ZNF445: variants seen among roughly 807,000 people sequenced by gnomAD.
ZNF445 encodes the protein zinc finger protein 168.
Under a neutral mutation model 93.9 loss-of-function variants are expected in ZNF445, and 19 were observed. That is an observed-to-expected ratio of 0.20 (90% CI 0.14 to 0.30). The LOEUF (loss-of-function observed/expected upper bound fraction) is 0.30, where lower values mean the gene tolerates loss of function less well. Ranked by LOEUF, ZNF445 falls within the 10% of genes least tolerant of loss-of-function variation. The probability of loss-of-function intolerance (pLI) is 1.00; values close to 1 mark genes in which losing one functional copy is unlikely to be tolerated. For synonymous variants in ZNF445, 449 were observed against 446.3 expected (o/e 1.01, Z -0.08); for missense variants, 1,058 against 1,259.4 (o/e 0.84, Z 2.42).
chr3:44,462,043 T>C (rs1172857612), intron 1 of ZNF445, among the ~76,000 whole-genome samples: 1 of 132,006 alleles, frequency 7.6e-6, no homozygotes, highest in East Asian at 3.9e-4. Context: ...AATGTCACTA[T>C]TTGTCTCTCT....
At chr3:44,467,654 C>G (rs1328811038) in intron 1 of ZNF445, among the ~76,000 whole-genome samples, 1 of 152,168 alleles carries the variant, frequency 6.6e-6, no homozygotes, top group African/African-American at 2.4e-5. Flanking sequence ...GAACAGAGTT[C>G]TATCAAAACC....
Position 44,432,249 on chromosome 3 carries a change from C to T in ZNF445, c.*14326G>A, listed in dbSNP as rs1279152531. ...TAAATGAAGTTTTATTGGAACACATCTACACTCATTTGTGTGTGTGTGTCT... is the reference window on the plus strand; with the variant it reads ...TAAATGAAGTTTTATTGGAACACATTTACACTCATTTGTGTGTGTGTGTCT... On this transcript the variant is annotated 3_prime_UTR_variant, in exon 8 of 8. Transcript: ENST00000396077. 2 of 148,530 alleles carry T rather than the reference C, an allele frequency of 1.3e-5. No individual in the cohort carries two copies. The highest frequency in any genetic ancestry group is 3.0e-5 in the Non-Finnish European group (2 of 67,710). The allele number at this position is 148,530 out of a possible 1,614,324, so 9.2% of individuals were successfully genotyped here.
rs182696561 is a variant in ZNF445 at position 44,446,725 on chromosome 3, T to C, written c.2946A>G (p.Ile982Met). 1 of 1,614,242 alleles carries C rather than the reference T, an allele frequency of 6.2e-7. No homozygotes were observed. Among genetic ancestry groups the C allele is most frequent in the Admixed American group, 1.7e-5 (1 of 60,034 alleles). Residue 982 changes from isoleucine to methionine, a missense_variant, in exon 8 of 8, where the codon ATA becomes ATG. By Grantham distance (10) the Ile-to-Met change is conservative. Around this residue, in one of 3 missense-constraint regions of ZNF445, gnomAD observed 387 missense variants for 475.7 expected, o/e 0.81. Transcript: ENST00000396077. The surrounding 1 kb of genome is among the most constrained non-coding windows in gnomAD (Gnocchi z 4.2). ...AACTCTTGTTAAAAGTTTTCCCACA[T>C]ATGCTGCATTTGTGGCACTTTTTCC... ...SIGKKCHKCSICGKTFNKSSQ... is the reference protein window; with the variant it reads ...SIGKKCHKCSMCGKTFNKSSQ...
At position 44,432,917 on chromosome 3, in the gene ZNF445, C is replaced by CT. The variant is rs1412644315; in HGVS notation, c.*13657dup. 7 of 152,158 alleles carry CT rather than the reference C, an allele frequency of 4.6e-5. No individual in the cohort carries two copies. Among genetic ancestry groups the CT allele is most frequent in the Non-Finnish European group, 2.9e-5 (2 of 68,060 alleles). The allele number at this position is 152,158 out of a possible 1,614,324, so 9.4% of individuals were successfully genotyped here. A position where few individuals can be genotyped will look rare whatever the true frequency, so the allele number is the denominator to read the frequency against. On this transcript the variant is annotated 3_prime_UTR_variant, in exon 8 of 8. Transcript: ENST00000396077. ...CCATGGATTCCTTTGTGTCTGCTTC[C>CT]TTTTCATTAAAATTCTGCTCATGGA...
intron 1 of ZNF445, among the ~76,000 whole-genome samples, chr3:44,473,440 G>C (rs548519756): frequency 2.2e-5 from 3 of 133,780 alleles, no homozygotes; most frequent in African/African-American, 8.8e-5. Flanking sequence ...GGCAACGAGA[G>C]TGAAACTCCA....
At chr3:44,458,463 T>C (rs1341243118) in intron 1 of ZNF445, 99 bp from the exon 2 acceptor site, 4 of 152,240 alleles carry the variant, frequency 2.6e-5, no homozygotes, top group Admixed American at 6.5e-5. Flanking sequence ...TATATACACA[T>C]TGGTTTTTAT....
chr3:44,473,509 ATATT>A (rs887116527), intron 1 of ZNF445, among the ~76,000 whole-genome samples: 12 of 146,524 alleles, frequency 8.2e-5, no homozygotes, highest in Middle Eastern at 3.5e-3. Flanking sequence ...CTTTCAGTAT[ATATT>A]TAAAGCCTTA....
At chr3:44,449,212 A>C (rs888031290) in intron 7 of ZNF445, among the ~76,000 whole-genome samples, 2 of 152,186 alleles carry the variant, frequency 1.3e-5, no homozygotes, top group Non-Finnish European at 2.9e-5. Flanking sequence ...GCAGGCCAGG[A>C]GTGAGGAGGA....
Position 44,433,609 on chromosome 3 carries a change from G to T in ZNF445, c.*12966C>A, listed in dbSNP as rs1032295282. ...GAGAAATGCCCAGGGAGGGAGACTG[G>T]AGAAGGTTCAGGGACCAAGTTCTGG... On this transcript the variant is annotated 3_prime_UTR_variant, in exon 8 of 8. Transcript: ENST00000396077. The T allele has an allele frequency of 1.3e-5, 2 of 152,502 alleles. No individual in the cohort carries two copies. Among genetic ancestry groups the T allele is most frequent in the Non-Finnish European group, 2.9e-5 (2 of 68,278 alleles). The allele number at this position is 152,502 out of a possible 1,614,324, so 9.4% of individuals were successfully genotyped here.
At chr3:44,471,171 T>G (rs972365132) in intron 1 of ZNF445, among the ~76,000 whole-genome samples, 4 of 152,198 alleles carry the variant, frequency 2.6e-5, no homozygotes, top group African/African-American at 4.8e-5. Context: ...GCATCCAGAA[T>G]TTCTCTAATA....
chr3:44,451,204 G>T, intron 4 of ZNF445, 110 bp downstream of exon 4: 1 of 1,380,000 alleles, frequency 7.2e-7, no homozygotes, highest in Non-Finnish European at 1.0e-6. Context: ...AGAGCTAAGG[G>T]CCAGGACAGA....
chr3:44,453,273 G>A lies in ZNF445; in HGVS notation c.430-1791C>T, dbSNP rs1018534981. 6.6e-5 allele frequency among the ~76,000 whole-genome samples: 10 copies of A among 151,922 alleles called. No homozygotes were observed. The East Asian group carries it at 1.9e-3, about 29-fold the overall frequency. On this transcript the variant is annotated intron_variant, in intron 3 of 7. Transcript: ENST00000396077. ...CATATATATATGTATATGTATGAAA[G>A]TGTATGTCTATATATGTTTTTTTTT...
chr3:44,459,224 T>A (rs1044875365), intron 1 of ZNF445, among the ~76,000 whole-genome samples: 4 of 152,220 alleles, frequency 2.6e-5, no homozygotes, highest in Admixed American at 6.5e-5. Context: ...GTTTACAACA[T>A]CCTTTATAAT....
rs778417089 is a variant in ZNF445 at position 44,447,031 on chromosome 3, G to C, written c.2640C>G (p.Asn880Lys). 6.2e-7 allele frequency: 1 copy of C among 1,614,208 alleles called. No individual in the cohort carries two copies. Among genetic ancestry groups the C allele is most frequent in the Non-Finnish European group, 8.5e-7 (1 of 1,180,034 alleles). Residue 880 changes from asparagine (N) to lysine (K), a missense_variant, in exon 8 of 8, where the codon AAC (asparagine) becomes AAG (lysine). Coordinates refer to ENST00000396077, the MANE Select transcript of ZNF445 (RefSeq NM_181489.6). The surrounding 1 kb of genome is among the most constrained non-coding windows in gnomAD (Gnocchi z 4.7). ...CNLCGKSYDRNYRLVNHQRIH... is the reference protein window; with the variant it reads ...CNLCGKSYDRKYRLVNHQRIH... Reference sequence around the variant, plus strand: ...TCCTCTGATGGTTAACAAGGCGATAGTTTCTATCATAAGATTTCCCACATA... The same window carrying C: ...TCCTCTGATGGTTAACAAGGCGATACTTTCTATCATAAGATTTCCCACATA...
At chr3:44,450,825 C>T (rs543628226) in intron 5 of ZNF445, 43 bp downstream of exon 5, 69 of 1,461,666 alleles carry the variant, frequency 4.7e-5, no homozygotes, top group African/African-American at 1.0e-4. Context: ...CATTAGGCAG[C>T]GACGTGGGGA....
chr3:44,442,819 T>C lies in ZNF445; in HGVS notation c.*3756A>G, dbSNP rs1198768463. ...CGGGTTCCTAACCAGCAGGTGTGTG[T>C]TTGTGGGTGGCTTCCAGTCAACATT... On this transcript the variant is annotated 3_prime_UTR_variant, in exon 8 of 8. Coordinates refer to ENST00000396077, the MANE Select transcript of ZNF445 (RefSeq NM_181489.6). 1 of 152,078 alleles carries C rather than the reference T, an allele frequency of 6.6e-6. No homozygotes were observed. The highest frequency in any genetic ancestry group is 2.4e-5 in the African/African-American group (1 of 41,396). The allele number at this position is 152,078 out of a possible 1,614,324, so 9.4% of individuals were successfully genotyped here.
chr3:44,456,233 T>C (rs1698026638), intron 2 of ZNF445, among the ~76,000 whole-genome samples: 1 of 151,766 alleles, frequency 6.6e-6, no homozygotes, highest in African/African-American at 2.4e-5. Flanking sequence ...CTGGGCAACA[T>C]GGCAAGACCC....
chr3:44,461,859 G>C (rs921871128), intron 1 of ZNF445, among the ~76,000 whole-genome samples: 2 of 151,980 alleles, frequency 1.3e-5, no homozygotes, highest in African/African-American at 4.8e-5. Context: ...TTGTAAAGCG[G>C]CTTGAACCCC....
At chr3:44,458,698 C>T (rs537994492) in intron 1 of ZNF445, among the ~76,000 whole-genome samples, 1 of 152,158 alleles carries the variant, frequency 6.6e-6, no homozygotes, top group South Asian at 2.1e-4. Context: ...CTTTTCTTCC[C>T]CTCCTTTCAC....
Sources: allele counts gnomAD v4.1 joint callset (sites outside exome capture counted in the v4.1 genomes callset), GRCh38; gene constraint gnomAD v4.1.1; regional missense constraint gnomAD v4.1.1; non-coding constraint Gnocchi (gnomAD v3.1); transcripts MANE v1.5; gene names NCBI Gene and HGNC (gene_info 2026-07-23, HGNC 2026-07-21).